The following HPD variants were observed in gnomAD, a reference collection of about 807,000 sequenced individuals.
HPD encodes 4-hydroxyphenylpyruvic acid oxidase.
Under a neutral mutation model 56.9 loss-of-function variants are expected in HPD, and 35 were observed. The observed-to-expected ratio is 0.62, with a 90% CI of 0.47 to 0.82. The LOEUF is 0.82. Ranked by LOEUF, HPD falls within the 40% of genes least tolerant of loss-of-function variation. The pLI, the probability that HPD is intolerant of heterozygous loss-of-function variation, is 0.00. For synonymous variants in HPD, 186 were observed against 200.2 expected (o/e 0.93, Z 0.60); for missense variants, 442 against 506.8 (o/e 0.87, Z 1.23).
upstream of HPD, among the ~76,000 whole-genome samples, chr12:121,864,150 G>A (rs1346631313): frequency 4.0e-5 from 6 of 151,774 alleles, no homozygotes; most frequent in African/African-American, 1.5e-4. Flanking sequence ...GGAGGCTGAG[G>A]CAGGAGAATC....
chr12:121,856,522 C>T (rs1154511), intron 5 of HPD, 61 bp downstream of exon 5: 8 of 1,604,388 alleles, frequency 5.0e-6, no homozygotes, highest in African/African-American at 1.3e-5. Context: ...CATGCGTCCA[C>T]CCTCCCAGAA....
At chr12:121,884,607 C>A in the HPD span, among the ~76,000 whole-genome samples, 1 of 28,342 alleles carries the variant, frequency 3.5e-5, no homozygotes, top group Non-Finnish European at 7.9e-5. Flanking sequence ...GCACCTGTAT[C>A]TCTCTCTCTC....
At chr12:121,874,854 C>T in the HPD span, among the ~76,000 whole-genome samples, 3 of 151,900 alleles carry the variant, frequency 2.0e-5, no homozygotes, top group Non-Finnish European at 4.4e-5. Flanking sequence ...CTCTGCCTCC[C>T]GGGTTCAAGC....
At chr12:121,877,015 A>G in the HPD span, among the ~76,000 whole-genome samples, 1 of 147,522 alleles carries the variant, frequency 6.8e-6, no homozygotes, top group Non-Finnish European at 1.5e-5. Context: ...AATTGCTTGA[A>G]CCCAGGAGGC....
At chr12:121,857,563 A>G (rs1878050612) in intron 3 of HPD, 131 bp from the exon 4 acceptor site, 3 of 845,646 alleles carry the variant, frequency 3.5e-6, no homozygotes, top group Non-Finnish European at 6.0e-6. Flanking sequence ...TCCTGGGAAG[A>G]TAGACTGCTG....
At chr12:121,848,435 C>T (rs902674956) in intron 9 of HPD, among the ~76,000 whole-genome samples, 2 of 151,772 alleles carry the variant, frequency 1.3e-5, no homozygotes, top group African/African-American at 4.8e-5. Flanking sequence ...TCTCAGCTTC[C>T]CAAGTAGCTG....
rs1248830252 is a variant in HPD, at chr12:121,856,306, A to T, written c.324+18T>A. 15 of 1,605,640 alleles carry T rather than the reference A, an allele frequency of 9.3e-6. No homozygotes were observed. In the Admixed American group the frequency reaches 2.2e-4, roughly 23 times the overall value. ...GACGGAGGCCTTCCTCTCTCAGTCC[A>T]CCCAGGTGCTTTCTTACCTGCACGA... On this transcript the variant is annotated intron_variant, in intron 6 of 13. Transcript: ENST00000289004.
upstream of HPD, among the ~76,000 whole-genome samples, chr12:121,861,450 C>A (rs542820479): frequency 6.6e-6 from 1 of 151,856 alleles, no homozygotes; most frequent in Admixed American, 6.6e-5. Context: ...GGTTGCAATG[C>A]GAGATTGTGC....
the HPD span, among the ~76,000 whole-genome samples, chr12:121,886,074 C>T: frequency 5.3e-5 from 8 of 151,110 alleles, no homozygotes; most frequent in Non-Finnish European, 1.0e-4. Flanking sequence ...AGATAACAGG[C>T]GTAAGCCACC....
chr12:121,844,250 A>G (rs1382839268), intron 11 of HPD, among the ~76,000 whole-genome samples: 2 of 151,866 alleles, frequency 1.3e-5, no homozygotes, highest in Admixed American at 1.3e-4. Flanking sequence ...TCACCATGTT[A>G]GCCAGGTTGG....
At chr12:121,862,182 C>T (rs578036800), upstream of HPD, among the ~76,000 whole-genome samples, 2 of 152,304 alleles carry the variant, frequency 1.3e-5, no homozygotes, top group African/African-American at 4.8e-5. Context: ...GGGCCATATG[C>T]TGTGCAAACA....
chr12:121,844,351 C>T (rs1382366408), intron 11 of HPD, among the ~76,000 whole-genome samples: 1 of 152,006 alleles, frequency 6.6e-6, no homozygotes, highest in Non-Finnish European at 1.5e-5. Context: ...GGCCTGAGCA[C>T]TTTCTACGTA....
chr12:121,885,644 G>A, the HPD span, among the ~76,000 whole-genome samples: 1 of 151,772 alleles, frequency 6.6e-6, no homozygotes, highest in Admixed American at 6.6e-5. Context: ...ATCAAGGGTG[G>A]GAGGATATTA....
intron 12 of HPD, among the ~76,000 whole-genome samples, chr12:121,843,193 AC>A (rs559148169): frequency 1.8e-4 from 27 of 152,368 alleles, no homozygotes; most frequent in Non-Finnish European, 2.8e-4. Context: ...GTTTCTGGTC[AC>A]AAAAGAACAA....
chr12:121,858,097 C>A (rs1878072138), intron 2 of HPD, among the ~76,000 whole-genome samples: 1 of 152,158 alleles, frequency 6.6e-6, no homozygotes, highest in South Asian at 2.1e-4. Context: ...TTAAGTTAGA[C>A]CTTAGAAAGA....
At position 121,843,822 on chromosome 12, in the gene HPD, A is replaced by T; in HGVS notation, c.842T>A (p.Leu281Ter). The part of the protein sequence containing the change: ...TEDIITAIRH[L>*]RERGLEFLSV... ...TAAGAACTCCAGGCCTCTCTCTCTCAAGTGGCGAATCTGTTTCAGAGCAAA... is the reference window on the plus strand; with the variant it reads ...TAAGAACTCCAGGCCTCTCTCTCTCTAGTGGCGAATCTGTTTCAGAGCAAA... Residue 281 changes from leucine to a stop codon, truncating the protein, a stop_gained, in exon 12 of 14, where the codon TTG becomes TAG. Transcript: ENST00000289004. LOFTEE classifies it high-confidence loss of function. 6.2e-7 allele frequency: 1 copy of T among 1,613,788 alleles called. No individual in the cohort carries two copies. The highest frequency in any genetic ancestry group is 1.1e-5 in the South Asian group (1 of 91,062).
Position 121,846,879 on chromosome 12 carries a change from C to A in HPD, c.814G>T (p.Glu272Ter). ...AGVQHIALKT[E>*]DIITAIRHLR... ...GTTCTAACCGCTGTGATGATGTCTT[C>A]GGTCTTGAGAGCGATGTGCTGGACC... The change falls in exon 11 of 14, where the codon GAA (glutamate) becomes TAA (stop). Residue 272 changes from glutamate (E) to a stop codon, truncating the protein, a stop_gained. Coordinates refer to ENST00000289004, the MANE Select transcript of HPD (RefSeq NM_002150.3). LOFTEE classifies it high-confidence loss of function. 6.2e-7 allele frequency: 1 copy of A among 1,614,096 alleles called. No individual in the cohort carries two copies. Among genetic ancestry groups the A allele is most frequent in the Non-Finnish European group, 8.5e-7 (1 of 1,179,964 alleles).
chr12:121,870,402 G>A, the HPD span, among the ~76,000 whole-genome samples: 9 of 151,644 alleles, frequency 5.9e-5, no homozygotes, highest in Admixed American at 1.3e-4. Flanking sequence ...CAGCTACTAG[G>A]GAGGCTGAGG....
chr12:121,844,756 G>A lies in HPD; in HGVS notation c.832-924C>T, dbSNP rs192091177. Among the ~76,000 whole-genome samples, 185 of 151,614 alleles carry A rather than the reference G, an allele frequency of 1.2e-3. 4 individuals are homozygous for A. The East Asian group carries it at 0.034, about 28-fold the overall frequency. On this transcript the variant is annotated intron_variant, in intron 11 of 13. Transcript: ENST00000289004. ...ATTAGCTGGGCGTGGTGGTGGGAGC[G>A]TGTAGTCCCAGCTACTTGGGAGGCT...
Sources: allele counts gnomAD v4.1 joint callset (sites outside exome capture counted in the v4.1 genomes callset), GRCh38; gene constraint gnomAD v4.1.1; transcripts MANE v1.5; gene names NCBI Gene and HGNC (gene_info 2026-07-23, HGNC 2026-07-21).